The following PDE10A variants were observed in gnomAD, a reference collection of about 807,000 sequenced individuals.
PDE10A encodes phosphodiesterase 10A.
In PDE10A, 39 loss-of-function variants were observed where a neutral mutation model predicts 97.7. The ratio of observed to expected loss-of-function variants is 0.40; its 90% CI spans 0.31 to 0.52. The LOEUF is 0.52. Among genes scored for constraint, PDE10A ranks in the 20% least tolerant of loss-of-function variants. The pLI is 0.56. For synonymous variants in PDE10A, 371 were observed against 376.8 expected (o/e 0.98, Z 0.18); for missense variants, 731 against 1,047.8 (o/e 0.70, Z 4.17).
intron 14 of PDE10A, among the ~76,000 whole-genome samples, chr6:165,395,631 T>A (rs1786106470): frequency 6.6e-6 from 1 of 152,204 alleles, no homozygotes; most frequent in African/African-American, 2.4e-5. Context: ...GAGTTGAAAC[T>A]GTTCTATCTC....
intron 18 of PDE10A, among the ~76,000 whole-genome samples, chr6:165,374,844 T>C (rs568514587): frequency 6.6e-6 from 1 of 152,094 alleles, no homozygotes; most frequent in East Asian, 1.9e-4. Context: ...GTGCTTACTT[T>C]GATTCTCTGT....
chr6:165,438,574 T>A (rs1790210294), intron 5 of PDE10A, among the ~76,000 whole-genome samples: 1 of 152,234 alleles, frequency 6.6e-6, no homozygotes, highest in South Asian at 2.1e-4. Context: ...TTAATTATTA[T>A]AAAAGGTTTA....
intron 2 of PDE10A, among the ~76,000 whole-genome samples, chr6:165,503,297 A>T (rs1423298358): frequency 6.6e-6 from 1 of 152,132 alleles, no homozygotes; most frequent in African/African-American, 2.4e-5. Flanking sequence ...GACTCATATT[A>T]TTCCTTTCCC....
intron 18 of PDE10A, among the ~76,000 whole-genome samples, chr6:165,372,320 TAGAAAACCC>T (rs1784312214): frequency 6.6e-6 from 1 of 150,498 alleles, no homozygotes; most frequent in Non-Finnish European, 1.5e-5. Context: ...ATTGTATATC[TAGAAAACCC>T]CATTGTCTCA....
intron 2 of PDE10A, among the ~76,000 whole-genome samples, chr6:165,490,484 C>A (rs1583395295): frequency 6.6e-6 from 1 of 152,048 alleles, no homozygotes; most frequent in Non-Finnish European, 1.5e-5. Flanking sequence ...TCAAAATACA[C>A]CAAAATAGAA....
intron 1 of PDE10A, among the ~76,000 whole-genome samples, chr6:165,825,169 GA>G (rs35069499): frequency 0.76 from 106,675 of 140,404 alleles, 40,951 homozygotes; most frequent in East Asian, 0.98. Flanking sequence ...AAAAGAAAAA[GA>G]AAAAAAAAGA....
chr6:165,870,279 A>C (rs1781167535), intron 1 of PDE10A, among the ~76,000 whole-genome samples: 1 of 152,192 alleles, frequency 6.6e-6, no homozygotes, highest in South Asian at 2.1e-4. Context: ...TTCCATTAAA[A>C]AGTGGGCAAA....
chr6:165,821,316 CTT>C (rs1167476307), intron 1 of PDE10A, among the ~76,000 whole-genome samples: 1 of 152,186 alleles, frequency 6.6e-6, no homozygotes, highest in Non-Finnish European at 1.5e-5. Context: ...CTGACCTTTC[CTT>C]CCCTTTCCCC....
chr6:165,818,924 A>G (rs1779492133), intron 1 of PDE10A, among the ~76,000 whole-genome samples: 1 of 152,264 alleles, frequency 6.6e-6, no homozygotes. Context: ...AACTCTTTAG[A>G]AATGATCAAT....
chr6:165,619,434 G>GTAGTAGTGTAGTCTAGTA (rs1562634871), intron 1 of PDE10A, among the ~76,000 whole-genome samples: 1 of 2,852 alleles, frequency 3.5e-4, no homozygotes, highest in Non-Finnish European at 7.7e-4. Context: ...GTAGTATAGT[G>GTAGTAGTGTAGTCTAGTA]TAGTGTAGTA....
intron 1 of PDE10A, among the ~76,000 whole-genome samples, chr6:165,637,623 C>T (rs1332808522): frequency 6.6e-6 from 1 of 152,156 alleles, no homozygotes; most frequent in Non-Finnish European, 1.5e-5. Flanking sequence ...ACTTTGTTTC[C>T]AGGCATCATG....
intron 5 of PDE10A, among the ~76,000 whole-genome samples, chr6:165,438,827 G>A (rs920359728): frequency 1.3e-5 from 2 of 151,758 alleles, no homozygotes; most frequent in African/African-American, 2.4e-5. Context: ...GTGAGGTGGT[G>A]CATGCCTGTA....
chr6:165,793,209 G>A (rs1329535116), intron 1 of PDE10A, among the ~76,000 whole-genome samples: 2 of 152,042 alleles, frequency 1.3e-5, no homozygotes, highest in Non-Finnish European at 2.9e-5. Flanking sequence ...CCAAATGCAT[G>A]AGCCAAACTA....
chr6:165,976,845 G>A (rs1019830508), intron 1 of PDE10A, among the ~76,000 whole-genome samples: 4 of 152,080 alleles, frequency 2.6e-5, no homozygotes, highest in East Asian at 1.9e-4. Context: ...GGCCCTCCTC[G>A]GGCTGTGCGC....
chr6:165,396,369 G>C lies in PDE10A; in HGVS notation c.2167C>G (p.Gln723Glu), dbSNP rs758626137. The C allele has an allele frequency of 3.7e-6, 6 of 1,613,268 alleles. No individual in the cohort carries two copies. In the South Asian group the frequency reaches 6.6e-5, roughly 18 times the overall value. Residue 723 changes from glutamine to glutamate, a missense_variant, in exon 14 of 22, where the codon CAA (glutamine) becomes GAA (glutamate). By Grantham distance (29) the Gln-to-Glu change is conservative. This residue lies in a region of PDE10A where 131 missense variants were observed against 187.4 expected (regional missense o/e 0.70). Coordinates refer to ENST00000539869, the MANE Select transcript of PDE10A (RefSeq NM_001385079.1). ...GGAAGGGTGAATTGCATGAGACCTT[G>C]CCACTCTTCTGAAGTACAAATGCTA... The part of the protein sequence containing the change: ...YHSICTSEEW[Q>E]GLMQFTLPVR...
intron 1 of PDE10A, among the ~76,000 whole-genome samples, chr6:165,749,078 G>A (rs1478027082): frequency 1.3e-5 from 2 of 151,412 alleles, no homozygotes; most frequent in Admixed American, 6.6e-5. Context: ...GGATTACATA[G>A]AATTAATGCA....
chr6:165,663,000 G>C lies in PDE10A; in HGVS notation c.-189C>G, dbSNP rs1220691886. 6.6e-6 allele frequency among the ~76,000 whole-genome samples: 1 copy of C among 151,400 alleles called. No homozygotes were observed. Among genetic ancestry groups the C allele is most frequent in the Non-Finnish European group, 1.5e-5 (1 of 67,738 alleles). ...TCACATTGTGCTCGGCTTGGGTTGC[G>C]GGAGGACCCGGGCCTGGGGGCCAGG... is the stretch of plus-strand genomic sequence containing the variant. On this transcript the variant is annotated 5_prime_UTR_variant, in exon 1 of 22. Transcript: ENST00000539869.
At chr6:165,968,056 T>A (rs1050603029) in intron 1 of PDE10A, among the ~76,000 whole-genome samples, 4 of 152,228 alleles carry the variant, frequency 2.6e-5, no homozygotes, top group Non-Finnish European at 5.9e-5. Context: ...TGAAAGACAC[T>A]GATCATCATA....
chr6:165,370,223 T>C (rs1198369010), intron 18 of PDE10A, among the ~76,000 whole-genome samples: 2 of 150,220 alleles, frequency 1.3e-5, no homozygotes, highest in African/African-American at 4.9e-5. Context: ...AATTCACACA[T>C]AACAATATTA....
Sources: gnomAD v4.1 joint callset for allele counts (sites outside exome capture counted in the v4.1 genomes callset) on GRCh38, gnomAD v4.1.1 for gene constraint, gnomAD v4.1.1 regional missense constraint, MANE v1.5 for transcripts, NCBI Gene and HGNC (gene_info 2026-07-23, HGNC 2026-07-21) for gene names.